The following ARID5B variants were observed in gnomAD, a reference collection of about 807,000 sequenced individuals.
ARID5B encodes AT-rich interactive domain-containing protein 5B.
Under a neutral mutation model 97.2 loss-of-function variants are expected in ARID5B, and 13 were observed. That is an observed-to-expected ratio of 0.13 (90% CI 0.09 to 0.21). ARID5B has a LOEUF of 0.21. Among genes scored for constraint, ARID5B ranks in the 10% least tolerant of loss-of-function variants. The probability of loss-of-function intolerance (pLI) is 1.00; values close to 1 mark genes in which losing one functional copy is unlikely to be tolerated. For synonymous variants in ARID5B, 556 were observed against 570.3 expected (o/e 0.97, Z 0.36); for missense variants, 1,210 against 1,465.3 (o/e 0.83, Z 2.84).
rs1181272872 is a variant in ARID5B, at chr10:62,090,946, A to G, written c.1483A>G (p.Lys495Glu). Residue 495 changes from lysine to glutamate, a missense_variant, in exon 10 of 10, where the codon AAA (lysine) becomes GAA (glutamate). Transcript: ENST00000279873. ...GCCTCTCCCAGCAGCAGACATGAAG[A>G]AAAAAATAGAAGGGTATCAGGAATT... ...PEPLPAADMKKKIEGYQEFSA... is the reference protein window; with the variant it reads ...PEPLPAADMKEKIEGYQEFSA... 3 of 1,614,052 alleles carry G rather than the reference A, an allele frequency of 1.9e-6. No homozygotes were observed. Among genetic ancestry groups the G allele is most frequent in the East Asian group, 4.5e-5 (2 of 44,884 alleles).
chr10:61,929,057 G>A (rs1052911704), intron 2 of ARID5B, among the ~76,000 whole-genome samples: 1 of 152,150 alleles, frequency 6.6e-6, no homozygotes, highest in Admixed American at 6.5e-5. Context: ...GAATGGTTCC[G>A]TCAGGACACA....
At chr10:62,062,353 G>GTT (rs996752078) in intron 7 of ARID5B, among the ~76,000 whole-genome samples, 10 of 152,218 alleles carry the variant, frequency 6.6e-5, no homozygotes, top group Admixed American at 5.9e-4. Context: ...TAGGGCTCAT[G>GTT]TTTTTAATGG....
intron 3 of ARID5B, among the ~76,000 whole-genome samples, chr10:61,976,534 C>T (rs1344501763): frequency 6.6e-6 from 1 of 152,122 alleles, no homozygotes; most frequent in East Asian, 1.9e-4. Context: ...AGATGGATTG[C>T]TTTTTAGAGT....
intron 3 of ARID5B, among the ~76,000 whole-genome samples, chr10:61,949,053 CT>C (rs1161550796): frequency 5.9e-5 from 9 of 152,258 alleles, no homozygotes; most frequent in African/African-American, 1.9e-4. Flanking sequence ...AATGTTGTGC[CT>C]TTTGAGCTTC....
At chr10:61,976,017 T>G (rs186146403) in intron 3 of ARID5B, among the ~76,000 whole-genome samples, 20 of 152,372 alleles carry the variant, frequency 1.3e-4, no homozygotes, top group Non-Finnish European at 2.4e-4. Flanking sequence ...GAGCTTTTAA[T>G]ACATGTCAGA....
chr10:61,973,771 G>A (rs1367800988), intron 3 of ARID5B, among the ~76,000 whole-genome samples: 1 of 152,172 alleles, frequency 6.6e-6, no homozygotes, highest in East Asian at 1.9e-4. Context: ...TATTCAGGCA[G>A]CTAGTTTATT....
chr10:62,052,495 A>G (rs1839803150), intron 5 of ARID5B, among the ~76,000 whole-genome samples: 1 of 152,190 alleles, frequency 6.6e-6, no homozygotes. Context: ...TTACTCCAGC[A>G]TATTCTGTAC....
chr10:61,944,914 T>C (rs1016112732), intron 3 of ARID5B, among the ~76,000 whole-genome samples: 3 of 152,286 alleles, frequency 2.0e-5, no homozygotes, highest in Admixed American at 6.5e-5. Flanking sequence ...CCAAAGATTA[T>C]GTGTGGGGGT....
intron 3 of ARID5B, among the ~76,000 whole-genome samples, chr10:61,957,479 G>A (rs933234643): frequency 1.3e-5 from 2 of 152,188 alleles, no homozygotes; most frequent in African/African-American, 4.8e-5. Flanking sequence ...ATTTTGGCCA[G>A]GCTGGTCTCG....
intron 3 of ARID5B, among the ~76,000 whole-genome samples, chr10:61,990,427 C>G (rs1838908150): frequency 6.6e-6 from 1 of 152,240 alleles, no homozygotes; most frequent in African/African-American, 2.4e-5. Flanking sequence ...GGGCAGATAA[C>G]CTTCTCCAGA....
At chr10:61,976,986 T>C (rs1029337067) in intron 3 of ARID5B, among the ~76,000 whole-genome samples, 1 of 152,100 alleles carries the variant, frequency 6.6e-6, no homozygotes, top group Non-Finnish European at 1.5e-5. Context: ...ATTAGGTGTA[T>C]CTCCTAATGC....
chr10:62,024,629 G>A (rs1839397242), intron 4 of ARID5B: 1 of 393,010 alleles, frequency 2.5e-6, no homozygotes, highest in Admixed American at 4.4e-5. Context: ...TTCCTTTGAA[G>A]GAGATTTGAC....
intron 7 of ARID5B, among the ~76,000 whole-genome samples, chr10:62,064,827 G>T (rs917801565): frequency 4.6e-5 from 7 of 152,148 alleles, no homozygotes; most frequent in African/African-American, 1.4e-4. Flanking sequence ...AGGCTGGAGT[G>T]CAGTGGCATG....
intron 5 of ARID5B, among the ~76,000 whole-genome samples, chr10:62,055,046 A>G (rs1332996086): frequency 6.6e-6 from 1 of 152,124 alleles, no homozygotes; most frequent in Non-Finnish European, 1.5e-5. Flanking sequence ...TGCTCAATAT[A>G]CAATAGGAGG....
chr10:61,968,827 G>A (rs1226425159), intron 3 of ARID5B, among the ~76,000 whole-genome samples: 1 of 152,038 alleles, frequency 6.6e-6, no homozygotes, highest in Non-Finnish European at 1.5e-5. Context: ...TTTTGCCCAG[G>A]ACCTAAGAGA....
chr10:61,962,140 C>T (rs1400518143), intron 3 of ARID5B, among the ~76,000 whole-genome samples: 3 of 152,168 alleles, frequency 2.0e-5, no homozygotes, highest in Non-Finnish European at 4.4e-5. Flanking sequence ...TATTGCATAA[C>T]GTTGCACAAC....
At chr10:62,049,401 G>A in intron 4 of ARID5B, 1 of 1,550,062 alleles carries the variant, frequency 6.5e-7, no homozygotes, top group South Asian at 1.2e-5. Flanking sequence ...GAGACTTCCA[G>A]GGATGTGGCC....
chr10:62,028,956 CA>C (rs60831618), intron 4 of ARID5B, among the ~76,000 whole-genome samples: 20,854 of 95,238 alleles, frequency 0.22, 1,694 homozygotes, highest in Middle Eastern at 0.34. Flanking sequence ...GACTCTGTCT[CA>C]AAAAAAAAAA....
At chr10:62,025,832 C>T (rs117590242) in intron 4 of ARID5B, among the ~76,000 whole-genome samples, 4,191 of 141,922 alleles carry the variant, frequency 0.03, 313 homozygotes, top group Admixed American at 0.17. Context: ...AAAAAAAAAG[C>T]TTATTTGCAT....
Sources: gnomAD v4.1 joint callset for allele counts (sites outside exome capture counted in the v4.1 genomes callset) on GRCh38, gnomAD v4.1.1 for gene constraint, MANE v1.5 for transcripts, NCBI Gene and HGNC (gene_info 2026-07-23, HGNC 2026-07-21) for gene names.